The following PSTPIP1 variants were observed in gnomAD, a reference collection of about 807,000 sequenced individuals.
PSTPIP1 encodes the protein proline-serine-threonine phosphatase-interacting protein 1.
A neutral mutation model predicts 69.6 loss-of-function variants in PSTPIP1; 66 were observed. The observed-to-expected ratio is 0.95, with a 90% CI of 0.78 to 1.16. The LOEUF (loss-of-function observed/expected upper bound fraction) is 1.16, where lower values mean the gene tolerates loss of function less well. Among genes scored for constraint, PSTPIP1 ranks in the 50% most tolerant of loss-of-function variants. The probability of loss-of-function intolerance (pLI) is 0.00; values close to 1 mark genes in which losing one functional copy is unlikely to be tolerated. For missense variants in PSTPIP1, 603 were observed against 557.4 expected (o/e 1.08, Z -0.82); for synonymous variants, 266 against 222.7 (o/e 1.19, Z -1.73).
In PSTPIP1 at chr15:77,018,356, C is replaced by A. The variant is rs547437295; in HGVS notation, c.138-101C>A. 5 of 1,534,998 alleles carry A rather than the reference C, an allele frequency of 3.3e-6. No homozygotes were observed. In the South Asian group the frequency reaches 6.0e-5, roughly 18 times the overall value. ...CCATCCCAGCCAAACTCTGTCAGAA[C>A]ACGCCCTGCTTTAAAAAACTCTTCT... On this transcript the variant is annotated intron_variant, in intron 2 of 14. Transcript: ENST00000558012.
chr15:77,020,794 T>A (rs1168712900), intron 3 of PSTPIP1, among the ~76,000 whole-genome samples: 1 of 150,920 alleles, frequency 6.6e-6, no homozygotes, highest in Non-Finnish European at 1.5e-5. Context: ...CCCCTCCCCA[T>A]GCCAACCTGA....
At chr15:77,003,575 G>A (rs1471070824) in intron 1 of PSTPIP1, among the ~76,000 whole-genome samples, 1 of 151,960 alleles carries the variant, frequency 6.6e-6, no homozygotes. Flanking sequence ...AGAATCGCTT[G>A]AACCCAGGAG....
At chr15:76,999,004 A>G (rs1189223557) in intron 1 of PSTPIP1, among the ~76,000 whole-genome samples, 1 of 152,194 alleles carries the variant, frequency 6.6e-6, no homozygotes, top group Non-Finnish European at 1.5e-5. Context: ...GTTGAATCTG[A>G]GAATACCAGC....
intron 1 of PSTPIP1, among the ~76,000 whole-genome samples, chr15:77,013,921 G>A (rs1434636313): frequency 6.6e-6 from 1 of 152,210 alleles, no homozygotes; most frequent in African/African-American, 2.4e-5. Flanking sequence ...GGAGGAAGGT[G>A]TGTAGGGCGA....
intron 5 of PSTPIP1, chr15:77,025,974 G>A (rs771327426): frequency 1.3e-4 from 56 of 423,606 alleles, no homozygotes; most frequent in Admixed American, 1.5e-4. Flanking sequence ...CCAAGGATCA[G>A]GGCTGATTGT....
intron 12 of PSTPIP1, among the ~76,000 whole-genome samples, chr15:77,034,964 T>C (rs552311493): frequency 2.0e-5 from 3 of 152,254 alleles, no homozygotes; most frequent in Non-Finnish European, 4.4e-5. Context: ...GTGGCTGAGC[T>C]GGCCTGATCA....
At chr15:77,000,754 C>G (rs1416721981) in intron 1 of PSTPIP1, among the ~76,000 whole-genome samples, 1 of 152,122 alleles carries the variant, frequency 6.6e-6, no homozygotes, top group Non-Finnish European at 1.5e-5. Context: ...GTTGCCCAGG[C>G]TGGTCTCAAA....
rs2075601160 is a variant in PSTPIP1 at position 76,997,290 on chromosome 15, A to C, written c.36+1681A>C. On this transcript the variant is annotated intron_variant, in intron 1 of 14. Transcript: ENST00000558012. Reference sequence around the variant, plus strand: ...GGCGGGCATATAGTTTCCCTAGGGAAGGCCAGAGCAGGAAGGGGAGAGAAG... The same window carrying C: ...GGCGGGCATATAGTTTCCCTAGGGACGGCCAGAGCAGGAAGGGGAGAGAAG... 2.0e-5 allele frequency among the ~76,000 whole-genome samples: 3 copies of C among 152,346 alleles called. No homozygotes were observed. The South Asian group carries it at 6.2e-4, about 32-fold the overall frequency.
At chr15:77,020,308 G>A (rs544288227) in intron 3 of PSTPIP1, among the ~76,000 whole-genome samples, 5 of 152,284 alleles carry the variant, frequency 3.3e-5, no homozygotes, top group Non-Finnish European at 7.4e-5. Flanking sequence ...TGTGGCCCTG[G>A]ATGGTCCTCC....
At chr15:77,018,888 G>A (rs976410680) in intron 3 of PSTPIP1, among the ~76,000 whole-genome samples, 2 of 152,168 alleles carry the variant, frequency 1.3e-5, no homozygotes, top group Admixed American at 1.3e-4. Context: ...GGCTCAGCAT[G>A]GGCTTCAAGG....
intron 7 of PSTPIP1, among the ~76,000 whole-genome samples, chr15:77,029,113 G>C (rs1341851158): frequency 6.6e-6 from 1 of 152,234 alleles, no homozygotes; most frequent in Non-Finnish European, 1.5e-5. Flanking sequence ...AGGCCAGAGT[G>C]GGGGTATCAG....
chr15:77,028,826 G>A (rs901484648), intron 7 of PSTPIP1, among the ~76,000 whole-genome samples, 174 bp downstream of exon 7: 1 of 152,198 alleles, frequency 6.6e-6, no homozygotes, highest in African/African-American at 2.4e-5. Flanking sequence ...AGAACCTCAG[G>A]CCATGGACAG....
intron 1 of PSTPIP1, among the ~76,000 whole-genome samples, chr15:77,011,649 G>GT (rs2075936453): frequency 6.6e-6 from 1 of 152,238 alleles, no homozygotes; most frequent in Non-Finnish European, 1.5e-5. Context: ...TCAGACAGCT[G>GT]TAAGTCATCT....
intron 1 of PSTPIP1, among the ~76,000 whole-genome samples, chr15:77,013,413 GT>G (rs148596145): frequency 3.9e-5 from 6 of 152,308 alleles, no homozygotes; most frequent in African/African-American, 1.2e-4. Context: ...CCATGGGGGG[GT>G]GGTGGGGCAC....
At chr15:77,009,718 C>G (rs960708738) in intron 1 of PSTPIP1, among the ~76,000 whole-genome samples, 1 of 152,278 alleles carries the variant, frequency 6.6e-6, no homozygotes, top group South Asian at 2.1e-4. Flanking sequence ...GCTCTCATCC[C>G]GATCTCACAG....
chr15:77,003,903 C>T (rs979894437), intron 1 of PSTPIP1, among the ~76,000 whole-genome samples: 8 of 152,114 alleles, frequency 5.3e-5, no homozygotes, highest in Admixed American at 1.3e-4. Context: ...TCCCAGGGGA[C>T]CCAGATTTAT....
At position 77,033,759 on chromosome 15, in the gene PSTPIP1, C is replaced by A. The variant is rs371698549; in HGVS notation, c.929+807C>A. 5.5e-3 allele frequency among the ~76,000 whole-genome samples: 830 copies of A among 152,170 alleles called. 3 individuals carry two copies. Among genetic ancestry groups the A allele is most frequent in the Non-Finnish European group, 9.0e-3 (611 of 67,978 alleles). ...CCAGCTCATTCCAGGGCCTCAGGAG[C>A]CCCTGGAACTTCCTACTCCTGGGAG... On this transcript the variant is annotated intron_variant, in intron 12 of 14. Transcript: ENST00000558012.
chr15:77,035,387 G>A (rs1392466618), intron 12 of PSTPIP1, 121 bp from the exon 13 acceptor site: 7 of 1,049,536 alleles, frequency 6.7e-6, no homozygotes, highest in Non-Finnish European at 8.5e-6. Context: ...GAGGCTAGGG[G>A]CAGTCCCAGC....
upstream of PSTPIP1, chr15:76,994,818 A>G (rs1341302617): frequency 7.8e-7 from 1 of 1,289,122 alleles, no homozygotes; most frequent in South Asian, 1.2e-5. Context: ...AGACCTGGGT[A>G]AGCCCCTCCA....
Sources: allele counts gnomAD v4.1 joint callset (sites outside exome capture counted in the v4.1 genomes callset), GRCh38; gene constraint gnomAD v4.1.1; transcripts MANE v1.5; gene names NCBI Gene and HGNC (gene_info 2026-07-23, HGNC 2026-07-21).